WFS1: variants seen among roughly 807,000 people sequenced by gnomAD.
WFS1 encodes wolframin.
WFS1 carries 90 observed loss-of-function variants against 68.5 expected under a neutral mutation model. The ratio of observed to expected loss-of-function variants is 1.31; its 90% CI spans 1.11 to 1.56. The LOEUF (loss-of-function observed/expected upper bound fraction) is 1.56. WFS1 is among the 40% of genes most tolerant of loss of function. The pLI is 0.00. For synonymous variants in WFS1, 860 were observed against 540.7 expected (o/e 1.59, Z -8.19); for missense variants, 1,767 against 1,232.6 (o/e 1.43, Z -6.49).
At chr4:6,274,352 AG>A (rs1389887098) in intron 1 of WFS1, among the ~76,000 whole-genome samples, 2 of 151,770 alleles carry the variant, frequency 1.3e-5, no homozygotes, top group Non-Finnish European at 2.9e-5. Context: ...TGGCCGGCTT[AG>A]TTTTTTTTTA....
intron 1 of WFS1, among the ~76,000 whole-genome samples, chr4:6,271,718 G>A (rs1309336523): frequency 1.3e-5 from 2 of 152,176 alleles, no homozygotes; most frequent in African/African-American, 2.4e-5. Flanking sequence ...CAGGACCCTC[G>A]CCTCTCCCTG....
rs541594934 is a variant in WFS1, at chr4:6,300,807, A to G, written c.1012A>G (p.Ile338Val). Residue 338 changes from isoleucine (I) to valine (V), a missense_variant, in exon 8 of 8, where the codon ATC becomes GTC. Ile to Val is a conservative substitution (Grantham distance 29). Transcript: ENST00000226760. ...CTTCTTCATCGTCAGCAACCTCACC[A>G]TCGACTTCTTCGCCTTCTTCATCCC... is the stretch of plus-strand genomic sequence containing the variant. ...IFFFIVSNLT[I>V]DFFAFFIPLV... The G allele has an allele frequency of 5.1e-5, 83 of 1,613,912 alleles. 1 individual carries two copies. The South Asian group carries it at 6.3e-4, about 12-fold the overall frequency.
chr4:6,280,192 G>C (rs553529001), intron 2 of WFS1, among the ~76,000 whole-genome samples: 1 of 152,232 alleles, frequency 6.6e-6, no homozygotes, highest in Admixed American at 6.5e-5. Context: ...ACTGTGTCCT[G>C]TGTGGAGCGT....
intron 7 of WFS1, among the ~76,000 whole-genome samples, chr4:6,297,037 C>G (rs1035884176): frequency 6.6e-6 from 1 of 152,168 alleles, no homozygotes; most frequent in Non-Finnish European, 1.5e-5. Flanking sequence ...CTATTGTTAT[C>G]TACGCTGGTC....
At position 6,302,964 on chromosome 4, in the gene WFS1, G is replaced by C. The variant is rs75810305; in HGVS notation, c.*496G>C. On this transcript the variant is annotated 3_prime_UTR_variant, in exon 8 of 8. Coordinates refer to ENST00000226760, the MANE Select transcript of WFS1 (RefSeq NM_006005.3). ...TCCTGGGGGATGTGCACGGCAGCTT[G>C]AGCCTGTCACGTGGTCAAGGCCCGG... The C allele has an allele frequency of 3.7e-3, 660 of 177,270 alleles. 8 individuals are homozygous for C. The highest frequency in any genetic ancestry group is 0.015 in the African/African-American group (639 of 42,004). The allele number at this position is 177,270 out of a possible 1,614,324, so 11.0% of individuals were successfully genotyped here.
intron 2 of WFS1, among the ~76,000 whole-genome samples, chr4:6,286,162 C>T (rs1021700940): frequency 1.3e-5 from 2 of 152,086 alleles, no homozygotes; most frequent in African/African-American, 4.8e-5. Context: ...CTGACTGCAG[C>T]GCATCGTGGG....
intron 6 of WFS1, among the ~76,000 whole-genome samples, chr4:6,292,978 CGCT>C (rs1560411629): frequency 6.6e-6 from 1 of 152,184 alleles, no homozygotes; most frequent in African/African-American, 2.4e-5. Flanking sequence ...TGGGTGCTTG[CGCT>C]GCTGTTTTCC....
At chr4:6,288,829 G>T (rs568661964) in intron 3 of WFS1, 158 bp from the exon 4 acceptor site, 213 of 1,121,900 alleles carry the variant, frequency 1.9e-4, no homozygotes, top group African/African-American at 1.8e-3. Flanking sequence ...GCTCAGTAGG[G>T]CCTAGCCTAG....
At chr4:6,299,503 G>C (rs1320512559) in intron 7 of WFS1, among the ~76,000 whole-genome samples, 1 of 149,436 alleles carries the variant, frequency 6.7e-6, no homozygotes, top group Non-Finnish European at 1.5e-5. Context: ...TGTGTGTAGG[G>C]GTGGGTTGCG....
chr4:6,290,436 C>G (rs551366605), intron 4 of WFS1, among the ~76,000 whole-genome samples: 1 of 152,246 alleles, frequency 6.6e-6, no homozygotes, highest in Non-Finnish European at 1.5e-5. Flanking sequence ...CAGGGATAGC[C>G]CAGAGGCTGC....
At chr4:6,280,134 C>G (rs924414934) in intron 2 of WFS1, among the ~76,000 whole-genome samples, 1 of 152,208 alleles carries the variant, frequency 6.6e-6, no homozygotes, top group African/African-American at 2.4e-5. Context: ...GGCTCTTGGG[C>G]GTCCCTGTGC....
rs1218821517 is a variant in WFS1 at position 6,301,151 on chromosome 4, G to A, written c.1356G>A (p.Glu452=). ...TSYLSLSTHA[E]PYTRRALATE... ...ACCTGAGCCTGAGCACCCATGCAGA[G>A]CCCTACACGCGCAGGGCCCTGGCCA... is the stretch of plus-strand genomic sequence containing the variant. The change falls in exon 8 of 8, where the codon GAG becomes GAA. Residue 452 remains glutamate, a synonymous_variant. Transcript: ENST00000226760. The A allele has an allele frequency of 3.1e-6, 5 of 1,613,022 alleles. No individual in the cohort carries two copies. The highest frequency in any genetic ancestry group is 3.4e-6 in the Non-Finnish European group (4 of 1,179,996).
intron 2 of WFS1, among the ~76,000 whole-genome samples, chr4:6,280,134 C>T (rs924414934): frequency 2.6e-5 from 4 of 152,208 alleles, no homozygotes; most frequent in African/African-American, 4.8e-5. Context: ...GGCTCTTGGG[C>T]GTCCCTGTGC....
Position 6,301,425 on chromosome 4 carries a change from T to C in WFS1, c.1630T>C (p.Ser544Pro), listed in dbSNP as rs1029964172. 1.9e-6 allele frequency: 3 copies of C among 1,612,476 alleles called. No individual in the cohort carries two copies. The highest frequency in any genetic ancestry group is 2.5e-6 in the Non-Finnish European group (3 of 1,180,042). The change falls in exon 8 of 8, where the codon TCC becomes CCC. Residue 544 changes from serine to proline, a missense_variant. Physicochemically the swap from Ser to Pro is moderately conservative, Grantham distance 74. Coordinates refer to ENST00000226760, the MANE Select transcript of WFS1 (RefSeq NM_006005.3). ...GGTGTGCTTCATGTGGTGTGAGCTC[T>C]CCGTGGTCATCCTGCTGGAGTCCAC... ...YLVCFMWCELSVVILLESTGL... is the reference protein window; with the variant it reads ...YLVCFMWCELPVVILLESTGL...
chr4:6,300,107 T>C (rs1007973065), intron 7 of WFS1, among the ~76,000 whole-genome samples: 1 of 152,110 alleles, frequency 6.6e-6, no homozygotes, highest in Non-Finnish European at 1.5e-5. Flanking sequence ...GCCCTCTGCC[T>C]GTGTCTGCAC....
chr4:6,296,261 A>G (rs1230851778), intron 7 of WFS1, among the ~76,000 whole-genome samples: 1 of 152,182 alleles, frequency 6.6e-6, no homozygotes, highest in Non-Finnish European at 1.5e-5. Context: ...GAGCAGCTTC[A>G]GCCCAAAGAG....
intron 1 of WFS1, among the ~76,000 whole-genome samples, chr4:6,273,156 C>T (rs1317640299): frequency 6.6e-6 from 1 of 152,208 alleles, no homozygotes; most frequent in Non-Finnish European, 1.5e-5. Flanking sequence ...TGGGGGTGGC[C>T]TGGGTGAGGG....
intron 7 of WFS1, among the ~76,000 whole-genome samples, chr4:6,300,071 T>C (rs1730818204): frequency 6.6e-6 from 1 of 151,976 alleles, no homozygotes; most frequent in African/African-American, 2.4e-5. Flanking sequence ...AGCTGAACGG[T>C]ATTTTTGCTG....
intron 7 of WFS1, among the ~76,000 whole-genome samples, chr4:6,295,750 G>A (rs796926302): frequency 1.2e-4 from 18 of 152,336 alleles, no homozygotes; most frequent in Admixed American, 3.3e-4. Flanking sequence ...CAGCTTTGGC[G>A]GCAGGAGGAA....
Sources: gnomAD v4.1 joint callset for allele counts (sites outside exome capture counted in the v4.1 genomes callset) on GRCh38, gnomAD v4.1.1 for gene constraint, MANE v1.5 for transcripts, NCBI Gene and HGNC (gene_info 2026-07-23, HGNC 2026-07-21) for gene names.